The following SSC5D variants were observed in gnomAD, a reference collection of about 807,000 sequenced individuals.
The protein encoded by SSC5D is scavenger receptor cysteine rich family member with 5 domains, also known as soluble scavenger receptor cysteine-rich domain-containing protein SSC5D.
In SSC5D, 106 loss-of-function variants were observed where a neutral mutation model predicts 104.6. That is an observed-to-expected ratio of 1.01 (90% CI 0.87 to 1.19). The LOEUF (loss-of-function observed/expected upper bound fraction) is 1.19. SSC5D is among the 50% of genes most tolerant of loss of function. The pLI is 0.00. For synonymous variants in SSC5D, 860 were observed against 883.5 expected (o/e 0.97, Z 0.47); for missense variants, 1,993 against 2,153.8 (o/e 0.93, Z 1.48).
chr19:55,512,199 C>CA (rs56354207), intron 12 of SSC5D, among the ~76,000 whole-genome samples: 2 of 129,068 alleles, frequency 1.5e-5, no homozygotes, highest in African/African-American at 5.8e-5. Context: ...GACTTGGTCT[C>CA]AAAAAAAAAA....
chr19:55,515,221 C>T (rs1044758345), intron 13 of SSC5D, among the ~76,000 whole-genome samples: 1 of 151,306 alleles, frequency 6.6e-6, no homozygotes, highest in African/African-American at 2.4e-5. Context: ...TAGTGAAACC[C>T]CATCTCTACT....
At chr19:55,509,813 C>CTTGCCA (rs1192316769) in intron 12 of SSC5D, among the ~76,000 whole-genome samples, 2 of 114,906 alleles carry the variant, frequency 1.7e-5, no homozygotes, top group Admixed American at 2.2e-4. Context: ...GAGCCGAGAT[C>CTTGCCA]TTGCCATTGC....
At chr19:55,493,379 C>T (rs372291099) in intron 6 of SSC5D, among the ~76,000 whole-genome samples, 1 of 147,866 alleles carries the variant, frequency 6.8e-6, no homozygotes, top group Non-Finnish European at 1.5e-5. Context: ...GCGTCCCCAG[C>T]CCCCACCGCC....
rs201281969 is a variant in SSC5D at position 55,500,233 on chromosome 19, G to A, written c.2123G>A (p.Arg708Gln). ...ATLTPQAPRE[R>Q]TTKTMAMLTT... ...CTGACCCCTCAGGCCCCCCGAGAAC[G>A]GACCACTAAGACCATGGCAATGCTG... Residue 708 changes from arginine (R) to glutamine (Q), a missense_variant, in exon 10 of 14, where the codon CGG (arginine) becomes CAG (glutamine). Transcript: ENST00000389623. The surrounding 1 kb of genome is among the most constrained non-coding windows in gnomAD (Gnocchi z 4.6). 188 of 1,550,922 alleles carry A rather than the reference G, an allele frequency of 1.2e-4. 1 individual carries two copies. Among genetic ancestry groups the A allele is most frequent in the Middle Eastern group, 3.3e-4 (2 of 6,014 alleles).
chr19:55,495,216 C>CATATATATATGTATATAT (rs1555765015), intron 8 of SSC5D, among the ~76,000 whole-genome samples: 1 of 8,422 alleles, frequency 1.2e-4, no homozygotes, highest in African/African-American at 3.3e-4. Context: ...TGCCTCCTTT[C>CATATATATATGTATATAT]ATATATATAT....
Position 55,517,648 on chromosome 19 carries a change from C to G in SSC5D, c.3372C>G (p.Thr1124=). 2 of 1,551,748 alleles carry G rather than the reference C, an allele frequency of 1.3e-6. No individual in the cohort carries two copies. Among genetic ancestry groups the G allele is most frequent in the Non-Finnish European group, 1.7e-6 (2 of 1,147,014 alleles). Reference sequence around the variant, plus strand: ...AGCAGGTCCCAGAATCTGACACAACCCCAGATTTGGACACAACTCCATACT... The same window carrying G: ...AGCAGGTCCCAGAATCTGACACAACGCCAGATTTGGACACAACTCCATACT... ...TSEQVPESDT[T]PDLDTTPYSS... is the part of the protein sequence containing the mutation. The change falls in exon 14 of 14, where the codon ACC becomes ACG. Residue 1124 remains threonine (T), a synonymous_variant. Coordinates refer to ENST00000389623, the MANE Select transcript of SSC5D (RefSeq NM_001144950.2).
At chr19:55,493,988 G>GGGGA in intron 7 of SSC5D, 76 bp downstream of exon 7, 1 of 185,282 alleles carries the variant, frequency 5.4e-6, no homozygotes, top group South Asian at 2.5e-5. Context: ...CGGCGGGGGC[G>GGGGA]GGGGGGTCCC....
chr19:55,492,816 TC>T (rs1362285278), intron 6 of SSC5D: 1 of 151,716 alleles, frequency 6.6e-6, no homozygotes, highest in Admixed American at 6.6e-5. Flanking sequence ...GGCCAGGAGT[TC>T]AAGACCAGTC....
In SSC5D at chr19:55,493,670, G is replaced by A. The variant is rs1420037855; in HGVS notation, c.971G>A (p.Arg324His). The change falls in exon 7 of 14, where the codon CGC becomes CAC. Residue 324 changes from arginine (R) to histidine (H), a missense_variant. Transcript: ENST00000389623. Reference protein sequence around the residue: ...AGRLEVWHGGRWGSVCDDAWD... With the variant: ...AGRLEVWHGGHWGSVCDDAWD... ...CGCCTGGAGGTCTGGCACGGGGGTCGCTGGGGGTCGGTGTGTGACGACGCC... is the reference window on the plus strand; with the variant it reads ...CGCCTGGAGGTCTGGCACGGGGGTCACTGGGGGTCGGTGTGTGACGACGCC... The A allele has an allele frequency of 2.0e-6, 3 of 1,506,804 alleles. No individual in the cohort carries two copies. Among genetic ancestry groups the A allele is most frequent in the East Asian group, 2.6e-5 (1 of 38,792 alleles). The allele number at this position is 1,506,804 out of a possible 1,614,324, so 93.3% of individuals were successfully genotyped here. A position where few individuals can be genotyped will look rare whatever the true frequency, so the allele number is the denominator to read the frequency against.
chr19:55,505,008 GT>G (rs1448998826), intron 12 of SSC5D, among the ~76,000 whole-genome samples: 1 of 148,448 alleles, frequency 6.7e-6, no homozygotes, highest in Admixed American at 6.6e-5. Context: ...GATTTCACAC[GT>G]TTTGCTCCTT....
chr19:55,512,848 C>T (rs1290981086), intron 12 of SSC5D, among the ~76,000 whole-genome samples, 163 bp from the exon 13 acceptor site: 1 of 152,106 alleles, frequency 6.6e-6, no homozygotes, highest in Non-Finnish European at 1.5e-5. Context: ...AAAAACATCC[C>T]AGCTGAATGG....
chr19:55,517,377 C>T lies in SSC5D; in HGVS notation c.3101C>T (p.Ser1034Leu), dbSNP rs372102360. 29 of 1,550,724 alleles carry T rather than the reference C, an allele frequency of 1.9e-5. No individual in the cohort carries two copies. In the African/African-American group the frequency reaches 3.7e-4, roughly 20 times the overall value. Reference protein sequence around the residue: ...SDSSRELTPHSALTSEATSDA... With the variant: ...SDSSRELTPHLALTSEATSDA... ...TCCAGTCGAGAGCTCACTCCCCACT[C>T]AGCCTTGACGTCCGAGGCGACCTCT... The change falls in exon 14 of 14, where the codon TCA (serine) becomes TTA (leucine). Residue 1034 changes from serine (S) to leucine (L), a missense_variant. By Grantham distance (145) the Ser-to-Leu change is moderately radical (BLOSUM62 -2). Around this residue, in one of 6 missense-constraint regions of SSC5D, gnomAD observed 423 missense variants for 409.2 expected, o/e 1.03. Coordinates refer to ENST00000389623, the MANE Select transcript of SSC5D (RefSeq NM_001144950.2).
rs1434567500 is a variant in SSC5D, at chr19:55,489,420, G to A, written c.119G>A (p.Arg40His). The A allele has an allele frequency of 1.7e-5, 25 of 1,490,886 alleles. No individual in the cohort carries two copies. The highest frequency in any genetic ancestry group is 2.4e-5 in the Admixed American group (1 of 41,468). 92.4% of individuals were successfully genotyped at this position (1,490,886 alleles called of 1,614,324 possible). ...CGCCTGGAGGTCTGGCATGGCGGGC[G>A]CTGGGGCACCGTGTGTGATGACGGC... The part of the protein sequence containing the change: ...AGRLEVWHGG[R>H]WGTVCDDGWD... The change falls in exon 3 of 14, where the codon CGC (arginine) becomes CAC (histidine). Residue 40 changes from arginine (R) to histidine (H), a missense_variant. This residue lies in a region of SSC5D where 1,101 missense variants were observed against 1,085.0 expected (regional missense o/e 1.01). Coordinates refer to ENST00000389623, the MANE Select transcript of SSC5D (RefSeq NM_001144950.2).
chr19:55,509,368 C>A (rs951362351), intron 12 of SSC5D, among the ~76,000 whole-genome samples: 6 of 152,028 alleles, frequency 3.9e-5, no homozygotes, highest in African/African-American at 1.5e-4. Context: ...AACGAGGCGT[C>A]GAGAAATTCT....
chr19:55,495,369 CT>C (rs1235553431), intron 8 of SSC5D, among the ~76,000 whole-genome samples: 3 of 146,398 alleles, frequency 2.0e-5, no homozygotes, highest in Non-Finnish European at 3.0e-5. Flanking sequence ...CCCACCTCAG[CT>C]TCCCAAGTAG....
chr19:55,518,276 CCT>C lies in SSC5D; in HGVS notation c.4001_4002del (p.Pro1334ArgfsTer74), dbSNP rs1987939165. 1.3e-6 allele frequency: 2 copies of C among 1,507,636 alleles called. No individual in the cohort carries two copies. Among genetic ancestry groups the C allele is most frequent in the Non-Finnish European group, 1.8e-6 (2 of 1,131,722 alleles). 93.4% of individuals were successfully genotyped at this position (1,507,636 alleles called of 1,614,324 possible). The part of the protein sequence containing the change: ...HPTTPDPSST[P>X]VITTVSLPTS... ...CACAACTCCTGACCCTTCCTCAACC[CCT>C]GTCATCACTACTGTGTCCCTTCCAA... On this transcript the variant is annotated frameshift_variant, in exon 14 of 14. Transcript: ENST00000389623. LOFTEE classifies it low-confidence loss of function (END_TRUNC).
intron 7 of SSC5D, 56 bp from the exon 8 acceptor site, chr19:55,494,554 C>CG: frequency 6.9e-7 from 1 of 1,444,440 alleles, no homozygotes; most frequent in Non-Finnish European, 9.2e-7. Context: ...GTGGGGGTGC[C>CG]GGCTCCGGGA....
chr19:55,499,151 GC>G (rs1254212366), intron 9 of SSC5D, among the ~76,000 whole-genome samples: 1 of 152,202 alleles, frequency 6.6e-6, no homozygotes, highest in Non-Finnish European at 1.5e-5. Context: ...TGGCCCAAGT[GC>G]CCCAGGGAAA....
chr19:55,514,438 A>G lies in SSC5D; in HGVS notation c.2947+1266A>G, dbSNP rs1302079194. 1.4e-3 allele frequency among the ~76,000 whole-genome samples: 105 copies of G among 77,680 alleles called. 3 individuals are homozygous for G. The South Asian group carries it at 0.014, about 10-fold the overall frequency. The allele number at this position is 77,680 out of a possible 152,430, so 51.0% of individuals were successfully genotyped here. A position where few individuals can be genotyped will look rare whatever the true frequency, so the allele number is the denominator to read the frequency against. ...AATAATAATAATAATAATAATAATA[A>G]TAATAATAATAATAATAATAGGTGT... On this transcript the variant is annotated intron_variant, in intron 13 of 13. Coordinates refer to ENST00000389623, the MANE Select transcript of SSC5D (RefSeq NM_001144950.2).
Sources: allele counts gnomAD v4.1 joint callset (sites outside exome capture counted in the v4.1 genomes callset), GRCh38; gene constraint gnomAD v4.1.1; regional missense constraint gnomAD v4.1.1; non-coding constraint Gnocchi (gnomAD v3.1); transcripts MANE v1.5; gene names NCBI Gene and HGNC (gene_info 2026-07-23, HGNC 2026-07-21).